Variants in PDGFD observed in about 807,000 individuals in gnomAD.
The protein encoded by PDGFD is platelet-derived growth factor D.
Under a neutral mutation model 44.7 loss-of-function variants are expected in PDGFD, and 30 were observed. That is an observed-to-expected ratio of 0.67 (90% CI 0.50 to 0.91). The LOEUF is 0.91. Among genes scored for constraint, PDGFD ranks in the 40% least tolerant of loss-of-function variants. The pLI is 0.00. For synonymous variants in PDGFD, 173 were observed against 168.4 expected, an observed-to-expected ratio of 1.03 and a Z score of -0.21; for missense variants, 445 against 457.8, an observed-to-expected ratio of 0.97 and a Z score of 0.25.
rs762516570 is a variant in PDGFD at position 104,037,644 on chromosome 11, G to C, written c.125-37389C>G. On this transcript the variant is annotated intron_variant, in intron 1 of 6. Coordinates refer to ENST00000393158, the MANE Select transcript of PDGFD (RefSeq NM_025208.5). ...CCATTATGAGCCAGGCTTGTGCCGA[G>C]CGATGTAACATCATGAGGCTGGTGG... is the stretch of plus-strand genomic sequence containing the variant. 5.6e-6 allele frequency: 9 copies of C among 1,614,176 alleles called. No individual in the cohort carries two copies. In the Admixed American group the frequency reaches 1.3e-4, roughly 24 times the overall value.
intron 4 of PDGFD, 36 bp downstream of exon 4, chr11:103,947,626 T>C (rs1263331269): frequency 1.3e-6 from 2 of 1,566,662 alleles, no homozygotes; most frequent in African/African-American, 2.7e-5. Flanking sequence ...GTTCCATCCG[T>C]TTCTTTTGCT....
intron 6 of PDGFD, among the ~76,000 whole-genome samples, chr11:103,924,972 C>T (rs1858281972): frequency 6.6e-6 from 1 of 151,714 alleles, no homozygotes; most frequent in Non-Finnish European, 1.5e-5. Context: ...CAACCCCCAA[C>T]CCACCGACAG....
chr11:104,030,814 G>A (rs1860111900), intron 1 of PDGFD, among the ~76,000 whole-genome samples: 1 of 152,052 alleles, frequency 6.6e-6, no homozygotes. Flanking sequence ...CATTCTTCCA[G>A]GCCCACTTCA....
chr11:104,069,812 C>G (rs1383997534), intron 1 of PDGFD, among the ~76,000 whole-genome samples: 1 of 152,152 alleles, frequency 6.6e-6, no homozygotes, highest in African/African-American at 2.4e-5. Flanking sequence ...GTGAGTCTAG[C>G]TCGTGCCACT....
intron 3 of PDGFD, among the ~76,000 whole-genome samples, chr11:103,948,969 C>A (rs1004564117): frequency 9.2e-6 from 1 of 108,190 alleles, no homozygotes; most frequent in Non-Finnish European, 1.8e-5. Context: ...AAGAAAGAAA[C>A]CGACTAGACA....
At chr11:104,002,595 T>C (rs1255550822) in intron 1 of PDGFD, among the ~76,000 whole-genome samples, 1 of 152,152 alleles carries the variant, frequency 6.6e-6, no homozygotes, top group African/African-American at 2.4e-5. Context: ...GTGTGAAAAA[T>C]GACTAACACA....
At chr11:104,136,016 G>A (rs112350476) in intron 1 of PDGFD, among the ~76,000 whole-genome samples, 1 of 152,166 alleles carries the variant, frequency 6.6e-6, no homozygotes, top group Non-Finnish European at 1.5e-5. Flanking sequence ...TCTGGAAGGA[G>A]AAAGGAGGGA....
chr11:104,155,619 G>A (rs569584730), intron 1 of PDGFD, among the ~76,000 whole-genome samples: 16 of 152,126 alleles, frequency 1.1e-4, no homozygotes, highest in Non-Finnish European at 1.9e-4. Context: ...AAAGACAAAT[G>A]GGCTTTTAGT....
rs75227929 is a variant in PDGFD at position 104,042,505 on chromosome 11, T to G, written c.125-42250A>C. Among the ~76,000 whole-genome samples, 996 of 152,358 alleles carry G rather than the reference T, an allele frequency of 6.5e-3. 17 individuals carry two copies. The highest frequency in any genetic ancestry group is 0.023 in the African/African-American group (940 of 41,576). On this transcript the variant is annotated intron_variant, in intron 1 of 6. Coordinates refer to ENST00000393158, the MANE Select transcript of PDGFD (RefSeq NM_025208.5). ...GCAATGAATGTTTTCTGATTGCTTT[T>G]TCTTATTGAGAAAGACTTTTATAAA...
intron 1 of PDGFD, among the ~76,000 whole-genome samples, chr11:104,078,156 G>C (rs1860993864): frequency 1.3e-5 from 2 of 152,182 alleles, no homozygotes; most frequent in East Asian, 3.9e-4. Flanking sequence ...GCACTCATCA[G>C]CCAGTCCATA....
chr11:104,153,404 T>A (rs1012161685), intron 1 of PDGFD, among the ~76,000 whole-genome samples: 3 of 152,154 alleles, frequency 2.0e-5, no homozygotes, highest in African/African-American at 7.2e-5. Flanking sequence ...TAAATCTATA[T>A]CTGCAGATGT....
intron 1 of PDGFD, among the ~76,000 whole-genome samples, chr11:104,115,746 G>A (rs1052982489): frequency 6.6e-6 from 1 of 151,956 alleles, no homozygotes; most frequent in East Asian, 1.9e-4. Context: ...TAGTAAGCTG[G>A]TATCACACTG....
At position 104,086,846 on chromosome 11, in the gene PDGFD, G is replaced by A. The variant is rs550187141; in HGVS notation, c.124+76958C>T. Among the ~76,000 whole-genome samples, 3 of 152,256 alleles carry A rather than the reference G, an allele frequency of 2.0e-5. No individual in the cohort carries two copies. The South Asian group carries it at 6.2e-4, about 32-fold the overall frequency. On this transcript the variant is annotated intron_variant, in intron 1 of 6. Transcript: ENST00000393158. ...GCAACAGATAATCAGTGTCCCCTGT[G>A]TGCCAAATAATGTCCTTATTACAGA...
At chr11:104,021,150 T>G (rs1859944933) in intron 1 of PDGFD, among the ~76,000 whole-genome samples, 1 of 152,178 alleles carries the variant, frequency 6.6e-6, no homozygotes, top group East Asian at 1.9e-4. Context: ...AGTCCATGGA[T>G]CCCATCTGAG....
chr11:104,126,678 T>A (rs78011649), intron 1 of PDGFD, among the ~76,000 whole-genome samples: 2 of 152,128 alleles, frequency 1.3e-5, no homozygotes, highest in Non-Finnish European at 2.9e-5. Context: ...AGGTGCTATA[T>A]AACTGACATG....
At chr11:103,950,394 CAA>C (rs375762671) in intron 3 of PDGFD, among the ~76,000 whole-genome samples, 12,855 of 107,680 alleles carry the variant, frequency 0.12, 1,631 homozygotes, top group African/African-American at 0.32. Flanking sequence ...ACTAATAATA[CAA>C]AAAAAAAAAA....
chr11:103,916,012 AT>A (rs1482767210), intron 6 of PDGFD, among the ~76,000 whole-genome samples: 1 of 152,204 alleles, frequency 6.6e-6, no homozygotes, highest in Non-Finnish European at 1.5e-5. Context: ...AGGCAATACC[AT>A]TCAGGATATG....
chr11:104,162,397 A>G (rs1365630239), intron 1 of PDGFD, among the ~76,000 whole-genome samples: 1 of 152,132 alleles, frequency 6.6e-6, no homozygotes, highest in Non-Finnish European at 1.5e-5. Context: ...TAGTGGAAAC[A>G]TTAAAGAGTA....
At chr11:103,954,449 T>TG (rs1858807083) in intron 3 of PDGFD, among the ~76,000 whole-genome samples, 1 of 152,200 alleles carries the variant, frequency 6.6e-6, no homozygotes, top group Non-Finnish European at 1.5e-5. Context: ...TCACGGAGGG[T>TG]GGCTGTTCAT....
Sources: allele counts gnomAD v4.1 joint callset (sites outside exome capture counted in the v4.1 genomes callset), GRCh38; gene constraint gnomAD v4.1.1; transcripts MANE v1.5; gene names NCBI Gene and HGNC (gene_info 2026-07-23, HGNC 2026-07-21).